MRC1: variants seen among roughly 807,000 people sequenced by gnomAD.
The protein encoded by MRC1 is mannose receptor C-type 1, also known as macrophage mannose receptor 1.
MRC1 carries 62 observed loss-of-function variants against 102.9 expected under a neutral mutation model. The observed-to-expected ratio is 0.60, with a 90% CI of 0.49 to 0.74. The LOEUF (loss-of-function observed/expected upper bound fraction) is 0.74, where lower values mean the gene tolerates loss of function less well. MRC1 is among the 30% of genes least tolerant of loss of function. MRC1 has a pLI of 0.00. For synonymous variants in MRC1, 457 were observed against 298.4 expected (o/e 1.53, Z -5.48); for missense variants, 1,237 against 862.8 (o/e 1.43, Z -5.43).
chr10:17,876,314 C>T (rs1301606204), intron 17 of MRC1, among the ~76,000 whole-genome samples: 27 of 151,606 alleles, frequency 1.8e-4, no homozygotes, highest in African/African-American at 6.3e-4. Context: ...GTGGTGTGAC[C>T]TCGGCTCACT....
At chr10:17,828,364 C>A (rs1002922243) in intron 3 of MRC1, among the ~76,000 whole-genome samples, 1 of 151,460 alleles carries the variant, frequency 6.6e-6, no homozygotes, top group Non-Finnish European at 1.5e-5. Flanking sequence ...CATGAGCCGG[C>A]GCGCCCGACT....
At position 17,818,165 on chromosome 10, in the gene MRC1, TA is replaced by T. The variant is rs1414490091; in HGVS notation, c.62-4904del. ...TACACATTTCTAAATTGCTCTTCAG[TA>T]AAAATAAGCTTTCAGGGGAAAAATG... On this transcript the variant is annotated intron_variant, in intron 1 of 29. Coordinates refer to ENST00000569591, the MANE Select transcript of MRC1 (RefSeq NM_002438.4). Among the ~76,000 whole-genome samples the T allele has an allele frequency of 2.8e-4, 42 of 152,230 alleles. 1 individual carries two copies. Among genetic ancestry groups the T allele is most frequent in the Admixed American group, 2.7e-3 (42 of 15,284 alleles).
chr10:17,907,273 AT>A (rs1452681460), intron 27 of MRC1, among the ~76,000 whole-genome samples: 3 of 152,206 alleles, frequency 2.0e-5, no homozygotes, highest in Non-Finnish European at 4.4e-5. Context: ...CAGGAAAAAA[AT>A]GCTAAGGAAA....
rs543933375 is a variant in MRC1, at chr10:17,821,421, G to A, written c.62-1653G>A. 1.1e-3 allele frequency among the ~76,000 whole-genome samples: 164 copies of A among 152,270 alleles called. 1 individual carries two copies. Among genetic ancestry groups the A allele is most frequent in the African/African-American group, 3.7e-3 (152 of 41,524 alleles). The stretch of plus-strand genomic sequence containing the variant: ...CACCTTTACCCAAAAATATACTGCA[G>A]TGGTTAATTTTATGTGTCAACATGG... On this transcript the variant is annotated intron_variant, in intron 1 of 29. Transcript: ENST00000569591.
chr10:17,881,701 A>C (rs996527675), intron 21 of MRC1, among the ~76,000 whole-genome samples: 1 of 140,324 alleles, frequency 7.1e-6, no homozygotes, highest in Non-Finnish European at 1.5e-5. Context: ...TTTGGTAACA[A>C]GGTCTTACTC....
intron 2 of MRC1, among the ~76,000 whole-genome samples, chr10:17,827,171 T>C (rs1838488851): frequency 1.3e-5 from 2 of 151,994 alleles, no homozygotes; most frequent in South Asian, 4.2e-4. Context: ...TAGTATCACT[T>C]CATTTTCCAC....
At chr10:17,900,980 G>A (rs1833821948) in intron 25 of MRC1, 27 bp downstream of exon 25, 3 of 775,046 alleles carry the variant, frequency 3.9e-6, no homozygotes, top group Non-Finnish European at 7.2e-6. Flanking sequence ...AAACAGTCAG[G>A]GGATCTGAAA....
chr10:17,867,439 C>T (rs1353134986), intron 12 of MRC1, among the ~76,000 whole-genome samples: 1 of 149,848 alleles, frequency 6.7e-6, no homozygotes, highest in African/African-American at 2.5e-5. Flanking sequence ...CTCTTTCTTT[C>T]TCCAGTGGGG....
rs1833459509 is a variant in MRC1 at position 17,877,901 on chromosome 10, T to G, written c.2552T>G (p.Val851Gly). The G allele has an allele frequency of 2.3e-6, 2 of 872,236 alleles. No homozygotes were observed. The highest frequency in any genetic ancestry group is 2.2e-4 in the Middle Eastern group (1 of 4,592). The allele number at this position is 872,236 out of a possible 1,614,324, so 54.0% of individuals were successfully genotyped here. A position where few individuals can be genotyped will look rare whatever the true frequency, so the allele number is the denominator to read the frequency against. ...TATACGTAAACTTCCATGTTTCAGG[T>G]AAACAGAAATGATGCACAGTCTGCA... ...ESEKKFLWKY[V>G]NRNDAQSAYF... is the part of the protein sequence containing the mutation. Residue 851 changes from valine to glycine, a missense_variant and splice_region_variant, in exon 18 of 30, where the codon GTA becomes GGA. Val to Gly is a moderately radical substitution (Grantham distance 109, BLOSUM62 -3). Transcript: ENST00000569591.
At chr10:17,855,890 C>T (rs1005785356) in intron 8 of MRC1, among the ~76,000 whole-genome samples, 3 of 152,012 alleles carry the variant, frequency 2.0e-5, no homozygotes, top group South Asian at 2.1e-4. Context: ...CAAAATTGGC[C>T]GGGCGCAGTG....
intron 26 of MRC1, among the ~76,000 whole-genome samples, chr10:17,902,392 C>T (rs973999706): frequency 5.9e-5 from 9 of 152,252 alleles, no homozygotes; most frequent in Admixed American, 3.3e-4. Context: ...TGTTAGGATT[C>T]TCATCCTCAG....
chr10:17,874,041 T>G (rs1589187997), intron 16 of MRC1, among the ~76,000 whole-genome samples: 1 of 152,206 alleles, frequency 6.6e-6, no homozygotes, highest in African/African-American at 2.4e-5. Context: ...CAAGGGTTCA[T>G]GAATCAATTC....
At chr10:17,904,393 A>G (rs920841700) in intron 26 of MRC1, among the ~76,000 whole-genome samples, 16 of 152,084 alleles carry the variant, frequency 1.1e-4, no homozygotes, top group African/African-American at 3.4e-4. Flanking sequence ...TTAAATAGAA[A>G]ATTCCTGCTT....
intron 10 of MRC1, 108 bp downstream of exon 10, chr10:17,861,610 G>A: frequency 7.3e-6 from 5 of 684,034 alleles, no homozygotes; most frequent in East Asian, 5.2e-5. Context: ...TGATCTTGAG[G>A]TATGATTTGT....
At chr10:17,909,145 T>G (rs982852840) in intron 28 of MRC1, among the ~76,000 whole-genome samples, 161 bp from the exon 29 acceptor site, 2 of 152,188 alleles carry the variant, frequency 1.3e-5, no homozygotes, top group Non-Finnish European at 2.9e-5. Context: ...TACAGATCTT[T>G]TTTTTCTACC....
intron 21 of MRC1, 56 bp from the exon 22 acceptor site, chr10:17,885,213 A>G: frequency 1.3e-6 from 1 of 778,702 alleles, no homozygotes; most frequent in Non-Finnish European, 2.4e-6. Flanking sequence ...AATATTTTCC[A>G]TATTTTGAGT....
intron 1 of MRC1, among the ~76,000 whole-genome samples, chr10:17,818,451 A>T (rs1384787585): frequency 6.6e-6 from 1 of 152,296 alleles, no homozygotes; most frequent in Middle Eastern, 3.4e-3. Context: ...ATATTTTAAG[A>T]TGGTTATGGA....
At chr10:17,849,317 A>AG (rs1838876612) in intron 6 of MRC1, among the ~76,000 whole-genome samples, 1 of 150,974 alleles carries the variant, frequency 6.6e-6, no homozygotes, top group Non-Finnish European at 1.5e-5. Context: ...AAAAAAAAAA[A>AG]AAGAAAGAAA....
intron 21 of MRC1, among the ~76,000 whole-genome samples, chr10:17,882,161 G>T (rs1833529809): frequency 6.6e-6 from 1 of 152,084 alleles, no homozygotes; most frequent in Non-Finnish European, 1.5e-5. Context: ...TTTGAGGAGG[G>T]TGTTGACTAA....
Sources: gnomAD v4.1 joint callset for allele counts (sites outside exome capture counted in the v4.1 genomes callset) on GRCh38, gnomAD v4.1.1 for gene constraint, MANE v1.5 for transcripts, NCBI Gene and HGNC (gene_info 2026-07-23, HGNC 2026-07-21) for gene names.